The following NBEA variants were observed in gnomAD, a reference collection of about 807,000 sequenced individuals.
NBEA encodes neurobeachin, also known as lysosomal-trafficking regulator 2.
A neutral mutation model predicts 343.4 loss-of-function variants in NBEA; 44 were observed. The observed-to-expected ratio is 0.13, with a 90% confidence interval of 0.10 to 0.16. The LOEUF is 0.16. NBEA is among the 10% of genes least tolerant of loss of function. The probability of loss-of-function intolerance (pLI) is 1.00; values close to 1 mark genes in which losing one functional copy is unlikely to be tolerated. For synonymous variants in NBEA, 1,175 were observed against 1,238.7 expected (o/e 0.95, Z 1.08); for missense variants, 2,555 against 3,631.3 (o/e 0.70, Z 7.62).
At chr13:35,635,869 C>T (rs2083671180) in intron 49 of NBEA, among the ~76,000 whole-genome samples, 1 of 152,162 alleles carries the variant, frequency 6.6e-6, no homozygotes, top group South Asian at 2.1e-4. Context: ...ATCAATCGTC[C>T]ACTAGAAAAG....
chr13:35,420,497 G>A (rs1205000017), intron 38 of NBEA, among the ~76,000 whole-genome samples: 1 of 151,590 alleles, frequency 6.6e-6, no homozygotes, highest in Non-Finnish European at 1.5e-5. Flanking sequence ...TACTGTTTTT[G>A]GTTTTTGTAT....
chr13:35,113,546 C>T (rs570822972), intron 13 of NBEA, among the ~76,000 whole-genome samples: 4 of 152,142 alleles, frequency 2.6e-5, no homozygotes, highest in Non-Finnish European at 5.9e-5. Flanking sequence ...ATTAAGTTGG[C>T]ATATCTACTG....
chr13:35,555,689 A>G (rs1235015010), intron 44 of NBEA, among the ~76,000 whole-genome samples: 2 of 152,206 alleles, frequency 1.3e-5, no homozygotes, highest in East Asian at 3.9e-4. Context: ...TATGAGATTT[A>G]AGTACTTCAT....
intron 11 of NBEA, among the ~76,000 whole-genome samples, chr13:35,105,854 A>G (rs2065895794): frequency 6.6e-6 from 1 of 152,036 alleles, no homozygotes; most frequent in African/African-American, 2.4e-5. Flanking sequence ...ATATATACTC[A>G]TACACATTAT....
chr13:35,594,349 A>G (rs559865425), intron 47 of NBEA, among the ~76,000 whole-genome samples: 44 of 152,270 alleles, frequency 2.9e-4, no homozygotes, highest in African/African-American at 1.0e-3. Context: ...CTCTATTGCA[A>G]AACATTTGTA....
At chr13:35,294,484 AGG>A (rs2035989140) in intron 35 of NBEA, among the ~76,000 whole-genome samples, 1 of 152,148 alleles carries the variant, frequency 6.6e-6, no homozygotes, top group Admixed American at 6.6e-5. Flanking sequence ...TAAGGAAACC[AGG>A]GATGGAGTAG....
chr13:35,419,745 G>A (rs1184432445), intron 38 of NBEA, among the ~76,000 whole-genome samples: 1 of 151,722 alleles, frequency 6.6e-6, no homozygotes, highest in Non-Finnish European at 1.5e-5. Flanking sequence ...GAAAAGAAGA[G>A]CACAGAAGTG....
At chr13:35,639,032 A>G (rs1294694841) in intron 49 of NBEA, among the ~76,000 whole-genome samples, 2 of 152,176 alleles carry the variant, frequency 1.3e-5, no homozygotes, top group African/African-American at 4.8e-5. Flanking sequence ...TCTCTCAAAT[A>G]TTGTCTAAGT....
At chr13:35,546,477 G>A (rs1311041759) in intron 41 of NBEA, among the ~76,000 whole-genome samples, 1 of 150,344 alleles carries the variant, frequency 6.7e-6, no homozygotes, top group Non-Finnish European at 1.5e-5. Context: ...AAAAAAAAAA[G>A]AGATAGAGTT....
intron 41 of NBEA, among the ~76,000 whole-genome samples, chr13:35,509,318 A>G (rs2077185983): frequency 6.6e-6 from 1 of 152,262 alleles, no homozygotes; most frequent in Non-Finnish European, 1.5e-5. Flanking sequence ...GGAAGGCACC[A>G]TGAGTCAGGA....
intron 1 of NBEA, among the ~76,000 whole-genome samples, chr13:34,978,285 T>C (rs189217290): frequency 6.6e-6 from 1 of 152,172 alleles, no homozygotes; most frequent in African/African-American, 2.4e-5. Context: ...TATTTACTGA[T>C]AGGAAGAATT....
At chr13:35,642,200 C>T (rs886297790) in intron 49 of NBEA, among the ~76,000 whole-genome samples, 3 of 152,052 alleles carry the variant, frequency 2.0e-5, no homozygotes, top group African/African-American at 7.2e-5. Context: ...CTCATGATAC[C>T]ACTGTTTAAG....
intron 17 of NBEA, among the ~76,000 whole-genome samples, chr13:35,126,123 G>A (rs892889537): frequency 1.3e-5 from 2 of 152,184 alleles, no homozygotes; most frequent in Non-Finnish European, 2.9e-5. Flanking sequence ...GGATCATGGG[G>A]GCAGTTCCCC....
intron 30 of NBEA, chr13:35,186,052 C>G (rs966727208): frequency 1.3e-5 from 2 of 151,634 alleles, no homozygotes; most frequent in Non-Finnish European, 2.9e-5. Flanking sequence ...GCCTATAATC[C>G]CAGCACTTTG....
intron 34 of NBEA, among the ~76,000 whole-genome samples, chr13:35,254,351 G>T (rs1488476355): frequency 1.4e-5 from 2 of 145,024 alleles, no homozygotes; most frequent in Admixed American, 7.0e-5. Flanking sequence ...TTGAGACAGG[G>T]TCTTACTCTG....
intron 6 of NBEA, among the ~76,000 whole-genome samples, chr13:35,054,328 A>G (rs1288178962): frequency 3.3e-5 from 5 of 152,058 alleles, no homozygotes; most frequent in Non-Finnish European, 7.4e-5. Flanking sequence ...CCTTAAATTT[A>G]TTTGACACTC....
chr13:35,210,518 C>T (rs2073699096), intron 32 of NBEA, among the ~76,000 whole-genome samples: 1 of 152,086 alleles, frequency 6.6e-6, no homozygotes, highest in South Asian at 2.1e-4. Context: ...AAAATCTTTA[C>T]TAAAATGGCA....
chr13:35,442,469 A>G (rs1398620434), intron 39 of NBEA, among the ~76,000 whole-genome samples: 1 of 152,132 alleles, frequency 6.6e-6, no homozygotes, highest in African/African-American at 2.4e-5. Flanking sequence ...GTCTGCGTTT[A>G]CCGTCACGTA....
chr13:35,270,679 C>T (rs532699356), intron 34 of NBEA, among the ~76,000 whole-genome samples: 15 of 152,192 alleles, frequency 9.9e-5, no homozygotes, highest in Middle Eastern at 3.2e-3. Context: ...AGACTCCCCC[C>T]GTGCCTGGCT....
Sources: allele counts gnomAD v4.1 joint callset (sites outside exome capture counted in the v4.1 genomes callset), GRCh38; gene constraint gnomAD v4.1.1; transcripts MANE v1.5; gene names NCBI Gene and HGNC (gene_info 2026-07-23, HGNC 2026-07-21).